The following CCDC180 variants were observed in gnomAD, a reference collection of about 807,000 sequenced individuals.
The protein encoded by CCDC180 is coiled-coil domain-containing protein 180.
CCDC180 carries 154 observed loss-of-function variants against 209.2 expected under a neutral mutation model. The ratio of observed to expected loss-of-function variants is 0.74; its 90% CI spans 0.65 to 0.84. The LOEUF (loss-of-function observed/expected upper bound fraction) is 0.84, where lower values mean the gene tolerates loss of function less well. Ranked by LOEUF, CCDC180 falls within the 40% of genes least tolerant of loss-of-function variation. The probability of loss-of-function intolerance (pLI) is 0.00; values close to 1 mark genes in which losing one functional copy is unlikely to be tolerated. For missense variants in CCDC180, 1,874 were observed against 1,997.3 expected, an observed-to-expected ratio of 0.94 and a Z score of 1.18; for synonymous variants, 778 against 749.1, an observed-to-expected ratio of 1.04 and a Z score of -0.63.
intron 21 of CCDC180, among the ~76,000 whole-genome samples, chr9:97,349,920 G>T (rs910039933): frequency 6.6e-6 from 1 of 152,080 alleles, no homozygotes; most frequent in Non-Finnish European, 1.5e-5. Flanking sequence ...CCTTGCTGGG[G>T]GTCAGACACA....
At chr9:97,368,634 A>G (rs1178380759) in intron 31 of CCDC180, among the ~76,000 whole-genome samples, 2 of 152,234 alleles carry the variant, frequency 1.3e-5, no homozygotes, top group East Asian at 3.8e-4. Context: ...ACTTATCTAA[A>G]CATGAATTCA....
In CCDC180 at chr9:97,310,620, TGGGCCTGG is replaced by T. The variant is rs567066612; in HGVS notation, c.260+1018_260+1025del. On this transcript the variant is annotated intron_variant, in intron 3 of 36. Transcript: ENST00000529487. Reference sequence around the variant, plus strand: ...TTCTACACAAGCCATAAACCCTTGCTGGGCCTGGGACTCTGAGATAGAAAGCAGGCCTC... The same window carrying T: ...TTCTACACAAGCCATAAACCCTTGCTGACTCTGAGATAGAAAGCAGGCCTC... 3.5e-4 allele frequency among the ~76,000 whole-genome samples: 53 copies of T among 152,296 alleles called. No homozygotes were observed. The South Asian group carries it at 0.01, about 29-fold the overall frequency.
At chr9:97,347,271 C>T in intron 19 of CCDC180, 43 bp from the exon 20 acceptor site, 1 of 1,527,780 alleles carries the variant, frequency 6.5e-7, no homozygotes, top group Non-Finnish European at 8.8e-7. Flanking sequence ...TCTCATGGGT[C>T]ATGATTGCTG....
rs112473446 is a variant in CCDC180, at chr9:97,343,257, C to T, written c.2275-83C>T. On this transcript the variant is annotated intron_variant, in intron 18 of 36. Coordinates refer to ENST00000529487, the MANE Select transcript of CCDC180 (RefSeq NM_020893.6). Reference sequence around the variant, plus strand: ...CTTGGCCCAAAATTTGGTTTACAACCTCTGATATCAAGGAACCTGTGGTTG... The same window carrying T: ...CTTGGCCCAAAATTTGGTTTACAACTTCTGATATCAAGGAACCTGTGGTTG... 864 of 927,966 alleles carry T rather than the reference C, an allele frequency of 9.3e-4. 8 individuals carry two copies. In the African/African-American group the frequency reaches 0.013, roughly 14 times the overall value. The allele number at this position is 927,966 out of a possible 1,614,324, so 57.5% of individuals were successfully genotyped here.
intron 8 of CCDC180, among the ~76,000 whole-genome samples, chr9:97,315,482 C>T (rs1354867280): frequency 1.3e-5 from 2 of 152,192 alleles, no homozygotes; most frequent in Admixed American, 6.5e-5. Context: ...GCCCCTAGCA[C>T]CCCTCCCCAC....
At chr9:97,362,866 C>T (rs551755338) in intron 28 of CCDC180, among the ~76,000 whole-genome samples, 84 of 152,338 alleles carry the variant, frequency 5.5e-4, no homozygotes, top group Admixed American at 1.1e-3. Context: ...GCCTGGTTGA[C>T]ATGGGTTTGT....
chr9:97,358,927 A>G (rs986486432), intron 25 of CCDC180, among the ~76,000 whole-genome samples: 7 of 152,104 alleles, frequency 4.6e-5, no homozygotes, highest in African/African-American at 7.2e-5. Context: ...GCTTTTTCTT[A>G]TATAGTTTAT....
Position 97,330,584 on chromosome 9 carries a change from G to A in CCDC180, c.2091G>A (p.Gln697=). Residue 697 remains glutamine, a synonymous_variant, in exon 18 of 37, where the codon CAG becomes CAA. Transcript: ENST00000529487. ...CTATTCAGGGACTGGAAGAAATGCA[G>A]GTTGAAAGAGAGGGCTCCTTAAACC... ...EGSIQGLEEM[Q]VEREGSLNPS... 1 of 1,614,090 alleles carries A rather than the reference G, an allele frequency of 6.2e-7. No homozygotes were observed. Among genetic ancestry groups the A allele is most frequent in the Non-Finnish European group, 8.5e-7 (1 of 1,180,020 alleles).
chr9:97,333,828 A>AT (rs35239022), intron 18 of CCDC180, among the ~76,000 whole-genome samples: 28,646 of 147,998 alleles, frequency 0.19, 2,938 homozygotes, highest in East Asian at 0.3. Context: ...ATTTTTAATT[A>AT]TTTTTTTTTT....
chr9:97,333,228 G>A (rs1458880425), intron 18 of CCDC180, among the ~76,000 whole-genome samples: 1 of 152,156 alleles, frequency 6.6e-6, no homozygotes, highest in Non-Finnish European at 1.5e-5. Flanking sequence ...ACTTGATCAT[G>A]GTGAATTCGC....
chr9:97,328,549 C>CT (rs1238851108), intron 16 of CCDC180, among the ~76,000 whole-genome samples: 3 of 152,158 alleles, frequency 2.0e-5, no homozygotes, highest in African/African-American at 7.2e-5. Context: ...AGGCCCCACT[C>CT]TCTCTGCTTC....
Position 97,354,710 on chromosome 9 carries a change from C to A in CCDC180, c.3144C>A (p.Asp1048Glu). ...AGAAGTTGGAGAATGAGTACCTGGA[C>A]CAGGTAGGGCCCCCAGCCAGGCCCC... ...NMEKLENEYL[D>E]QANDVINKFE... Residue 1048 changes from aspartate (D) to glutamate (E), a missense_variant, in exon 23 of 37, where the codon GAC (aspartate) becomes GAA (glutamate). Transcript: ENST00000529487. The A allele has an allele frequency of 6.2e-7, 1 of 1,614,184 alleles. No individual in the cohort carries two copies. The highest frequency in any genetic ancestry group is 8.5e-7 in the Non-Finnish European group (1 of 1,180,032).
Position 97,350,481 on chromosome 9 carries a change from C to T in CCDC180, c.2928C>T (p.Arg976=). ...SYVDVTQVSL[R]SFRQYLEESL... is the part of the protein sequence containing the mutation. Reference sequence around the variant, plus strand: ...TTGATGTCACCCAGGTGTCCCTGCGCAGCTTCCGGCAGTACTTGGAGGAGA... The same window carrying T: ...TTGATGTCACCCAGGTGTCCCTGCGTAGCTTCCGGCAGTACTTGGAGGAGA... The change falls in exon 22 of 37, where the codon CGC becomes CGT. Residue 976 remains arginine, a synonymous_variant. Coordinates refer to ENST00000529487, the MANE Select transcript of CCDC180 (RefSeq NM_020893.6). The T allele has an allele frequency of 1.3e-6, 2 of 1,536,440 alleles. No individual in the cohort carries two copies. Among genetic ancestry groups the T allele is most frequent in the Non-Finnish European group, 1.7e-6 (2 of 1,147,018 alleles).
chr9:97,326,378 A>G (rs1833534638), intron 14 of CCDC180, among the ~76,000 whole-genome samples, 176 bp from the exon 15 acceptor site: 1 of 152,182 alleles, frequency 6.6e-6, no homozygotes, highest in Admixed American at 6.5e-5. Context: ...CTGGAGGGCT[A>G]TAGTGGAGAG....
rs1270300829 is a variant in CCDC180 at position 97,330,736 on chromosome 9, A to C, written c.2243A>C (p.Gln748Pro). The change falls in exon 18 of 37, where the codon CAG becomes CCG. Residue 748 changes from glutamine to proline, a missense_variant. Coordinates refer to ENST00000529487, the MANE Select transcript of CCDC180 (RefSeq NM_020893.6). The stretch of plus-strand genomic sequence containing the variant: ...GAAGAGAAGGAGGAGAAGGAGGCAC[A>C]GGAAGAGCAAGAGAGTTTATCTGTG... ...LEEEKEEKEA[Q>P]EEQESLSVGE... 5.0e-6 allele frequency: 8 copies of C among 1,603,110 alleles called. No homozygotes were observed. In the East Asian group the frequency reaches 1.6e-4, roughly 31 times the overall value.
chr9:97,363,796 C>G lies in CCDC180; in HGVS notation c.3903-255C>G. 4 of 565,180 alleles carry G rather than the reference C, an allele frequency of 7.1e-6. No individual in the cohort carries two copies. The Admixed American group carries it at 1.1e-4, about 16-fold the overall frequency. 35.0% of individuals were successfully genotyped at this position (565,180 alleles called of 1,614,324 possible). ...TGCAAATTTCTGGGCCTGAGCACCT[C>G]CACCCCTTGCCCTCTCACAGCAGCT... On this transcript the variant is annotated intron_variant, in intron 28 of 36. Coordinates refer to ENST00000529487, the MANE Select transcript of CCDC180 (RefSeq NM_020893.6).
intron 9 of CCDC180, 78 bp from the exon 10 acceptor site, chr9:97,318,385 C>A (rs1833246915): frequency 1.9e-6 from 3 of 1,552,580 alleles, no homozygotes; most frequent in African/African-American, 2.7e-5. Context: ...AATGCTGTCA[C>A]CATGGTTCTC....
intron 13 of CCDC180, 98 bp from the exon 14 acceptor site, chr9:97,324,921 G>A (rs1354311283): frequency 4.4e-6 from 5 of 1,145,456 alleles, no homozygotes; most frequent in Middle Eastern, 2.8e-4. Flanking sequence ...GGGCAATACT[G>A]TTCAGTCGTT....
intron 18 of CCDC180, among the ~76,000 whole-genome samples, chr9:97,334,028 T>C (rs1825829624): frequency 6.6e-6 from 1 of 152,038 alleles, no homozygotes; most frequent in Admixed American, 6.6e-5. Context: ...AACAAGGGAA[T>C]TGTTAAGTGA....
Sources: allele counts gnomAD v4.1 joint callset (sites outside exome capture counted in the v4.1 genomes callset), GRCh38; gene constraint gnomAD v4.1.1; transcripts MANE v1.5; gene names NCBI Gene and HGNC (gene_info 2026-07-23, HGNC 2026-07-21).